LMX1B: variants seen among roughly 807,000 people sequenced by gnomAD.
LMX1B encodes the protein LIM homeobox transcription factor 1 beta, also known as LIM homeobox transcription factor 1-beta.
Under a neutral mutation model 51.4 loss-of-function variants are expected in LMX1B, and 12 were observed. The observed-to-expected ratio is 0.23, with a 90% confidence interval of 0.15 to 0.38. The LOEUF is 0.38. Ranked by LOEUF, LMX1B falls within the 10% of genes least tolerant of loss-of-function variation. The pLI is 1.00. For synonymous variants in LMX1B, 237 were observed against 235.4 expected, an observed-to-expected ratio of 1.01 and a Z score of -0.06; for missense variants, 445 against 571.1, an observed-to-expected ratio of 0.78 and a Z score of 2.25.
chr9:126,675,237 G>T (rs1434745058), intron 2 of LMX1B, among the ~76,000 whole-genome samples: 1 of 152,204 alleles, frequency 6.6e-6, no homozygotes. Context: ...TCGGCTTGGT[G>T]TATGTGGGCT....
chr9:126,649,599 G>A (rs1313161872), intron 2 of LMX1B, among the ~76,000 whole-genome samples: 1 of 152,180 alleles, frequency 6.6e-6, no homozygotes, highest in African/African-American at 2.4e-5. Flanking sequence ...CACTGATGGG[G>A]GAACCTCATC....
intron 2 of LMX1B, among the ~76,000 whole-genome samples, chr9:126,690,320 A>C (rs908188379): frequency 1.3e-5 from 2 of 151,942 alleles, no homozygotes. Flanking sequence ...CTGGGGTTTG[A>C]AGGATTGAAG....
intron 2 of LMX1B, among the ~76,000 whole-genome samples, chr9:126,634,821 G>A (rs185406959): frequency 1.8e-4 from 28 of 152,280 alleles, no homozygotes; most frequent in Admixed American, 1.6e-3. Flanking sequence ...TACCAGGCAG[G>A]TGACATTTGG....
At chr9:126,619,006 GC>G (rs987312746) in intron 2 of LMX1B, among the ~76,000 whole-genome samples, 5 of 152,068 alleles carry the variant, frequency 3.3e-5, no homozygotes, top group African/African-American at 9.7e-5. Flanking sequence ...TGCCCGGGCG[GC>G]CGAGCCTCTC....
chr9:126,683,550 G>A (rs1836716953), intron 2 of LMX1B, among the ~76,000 whole-genome samples: 1 of 152,074 alleles, frequency 6.6e-6, no homozygotes, highest in Non-Finnish European at 1.5e-5. Context: ...GGGTCCTGTC[G>A]CCTAGCTCCT....
rs1380649559 is a variant in LMX1B, at chr9:126,626,161, A to G, written c.326+10592A>G. ...TCCCGGCTCCCTGGCCTCCTATTAG[A>G]ACTCGTAGAGGATCCGCTCTGGAGT... On this transcript the variant is annotated intron_variant, in intron 2 of 7. Transcript: ENST00000373474. The surrounding 1 kb of genome is among the most constrained non-coding windows in gnomAD (Gnocchi z 4.3). Among the ~76,000 whole-genome samples the G allele has an allele frequency of 6.6e-6, 1 of 152,106 alleles. No homozygotes were observed. The highest frequency in any genetic ancestry group is 1.5e-5 in the Non-Finnish European group (1 of 68,020).
At chr9:126,644,895 G>A (rs760801231) in intron 2 of LMX1B, among the ~76,000 whole-genome samples, 33 of 152,176 alleles carry the variant, frequency 2.2e-4, no homozygotes, top group Non-Finnish European at 4.3e-4. Flanking sequence ...CAGCAATTCT[G>A]TTGAGTTCCT....
At chr9:126,642,789 G>T (rs2118884726) in intron 2 of LMX1B, among the ~76,000 whole-genome samples, 1 of 152,338 alleles carries the variant, frequency 6.6e-6, no homozygotes, top group East Asian at 1.9e-4. Flanking sequence ...CTACCTTTCT[G>T]CTCATTCAGA....
chr9:126,673,858 C>T lies in LMX1B; in HGVS notation c.327-16978C>T, dbSNP rs1326353447. Among the ~76,000 whole-genome samples the T allele has an allele frequency of 2.6e-5, 4 of 152,266 alleles. 1 individual carries two copies. The highest frequency in any genetic ancestry group is 2.1e-4 in the South Asian group (1 of 4,826). ...GCCTGCCAGTGTGTGTGTGAGTGTGCGCCTGTGGCAGCAGCAGAGTAAACA... is the reference window on the plus strand; with the variant it reads ...GCCTGCCAGTGTGTGTGTGAGTGTGTGCCTGTGGCAGCAGCAGAGTAAACA... On this transcript the variant is annotated intron_variant, in intron 2 of 7. Coordinates refer to ENST00000373474, the MANE Select transcript of LMX1B (RefSeq NM_001174147.2). This position sits in a 1 kb window ranked among gnomAD's most constrained non-coding sequence, Gnocchi z 4.4.
rs372216363 is a variant in LMX1B, at chr9:126,615,583, G to A, written c.326+14G>A. On this transcript the variant is annotated intron_variant, in intron 2 of 7. Transcript: ENST00000373474. This position sits in a 1 kb window ranked among gnomAD's most constrained non-coding sequence, Gnocchi z 6.0. ...AGACTACCAACAGTAAGCGCTTCTC[G>A]TCCTCCTTCCCCGCCACCGCCCGGC... 4 of 1,597,678 alleles carry A rather than the reference G, an allele frequency of 2.5e-6. No individual in the cohort carries two copies. The highest frequency in any genetic ancestry group is 3.4e-6 in the Non-Finnish European group (4 of 1,172,116).
Position 126,625,276 on chromosome 9 carries a change from G to T in LMX1B, c.326+9707G>T, listed in dbSNP as rs1458435427. 6.6e-6 allele frequency among the ~76,000 whole-genome samples: 1 copy of T among 152,254 alleles called. No homozygotes were observed. The highest frequency in any genetic ancestry group is 1.9e-4 in the East Asian group (1 of 5,190). On this transcript the variant is annotated intron_variant, in intron 2 of 7. Coordinates refer to ENST00000373474, the MANE Select transcript of LMX1B (RefSeq NM_001174147.2). This position sits in a 1 kb window ranked among gnomAD's most constrained non-coding sequence, Gnocchi z 5.3. ...CCGGAGCGTTGCCGTGGGGGCGGGG[G>T]AAGGGGTGGTTTTGCGGGTGCCTTA... is the stretch of plus-strand genomic sequence containing the variant.
chr9:126,689,869 G>C (rs964483046), intron 2 of LMX1B, among the ~76,000 whole-genome samples: 1 of 152,222 alleles, frequency 6.6e-6, no homozygotes, highest in Non-Finnish European at 1.5e-5. Context: ...CTAAAATGGG[G>C]TTAATGTTCA....
At chr9:126,659,470 A>G (rs752915433) in intron 2 of LMX1B, among the ~76,000 whole-genome samples, 2 of 152,228 alleles carry the variant, frequency 1.3e-5, no homozygotes, top group Non-Finnish European at 2.9e-5. Context: ...CAGGGCGGGC[A>G]TGGCCCATCC....
At position 126,695,783 on chromosome 9, in the gene LMX1B, G is replaced by A. The variant is rs1043635342; in HGVS notation, c.887-56G>A. 2.3e-5 allele frequency: 37 copies of A among 1,597,292 alleles called. No homozygotes were observed. Among genetic ancestry groups the A allele is most frequent in the Non-Finnish European group, 3.0e-5 (35 of 1,169,166 alleles). ...GAGATCAGAAGGGGAGGCTGCTGGG[G>A]TGTAGCTGGGAGGGCGTGGACCAGG... On this transcript the variant is annotated intron_variant, in intron 6 of 7. Coordinates refer to ENST00000373474, the MANE Select transcript of LMX1B (RefSeq NM_001174147.2). The surrounding 1 kb of genome is among the most constrained non-coding windows in gnomAD (Gnocchi z 5.2).
At chr9:126,694,656 G>C (rs933116805) in intron 6 of LMX1B, among the ~76,000 whole-genome samples, 2 of 152,168 alleles carry the variant, frequency 1.3e-5, no homozygotes, top group African/African-American at 2.4e-5. Context: ...CAGGTGCCAG[G>C]GCACCAATGG....
chr9:126,631,227 C>A (rs1041941784), intron 2 of LMX1B, among the ~76,000 whole-genome samples: 3 of 152,236 alleles, frequency 2.0e-5, no homozygotes, highest in Admixed American at 6.5e-5. Flanking sequence ...CACAGACATG[C>A]CCTTACGGCT....
At position 126,693,832 on chromosome 9, in the gene LMX1B, G is replaced by C; in HGVS notation, c.886+20G>C. ...GCCAGGGTGAGCCGGGGCCGGGGCAGGGCCTGGGCCAGGGTGAGCTGGGGC... is the reference window on the plus strand; with the variant it reads ...GCCAGGGTGAGCCGGGGCCGGGGCACGGCCTGGGCCAGGGTGAGCTGGGGC... On this transcript the variant is annotated intron_variant, in intron 6 of 7. Coordinates refer to ENST00000373474, the MANE Select transcript of LMX1B (RefSeq NM_001174147.2). 8.7e-7 allele frequency: 1 copy of C among 1,144,426 alleles called. No individual in the cohort carries two copies. The highest frequency in any genetic ancestry group is 1.3e-5 in the South Asian group (1 of 76,302). 70.9% of individuals were successfully genotyped at this position (1,144,426 alleles called of 1,614,324 possible).
At chr9:126,666,148 G>A (rs1836339478) in intron 2 of LMX1B, among the ~76,000 whole-genome samples, 1 of 152,252 alleles carries the variant, frequency 6.6e-6, no homozygotes, top group Admixed American at 6.5e-5. Flanking sequence ...TTGCTGAGAG[G>A]CACAGACGGG....
In LMX1B at chr9:126,637,655, G is replaced by A. The variant is rs894115992; in HGVS notation, c.326+22086G>A. Among the ~76,000 whole-genome samples, 97 of 152,082 alleles carry A rather than the reference G, an allele frequency of 6.4e-4. 1 individual carries two copies. The highest frequency in any genetic ancestry group is 1.3e-3 in the Non-Finnish European group (88 of 67,996). On this transcript the variant is annotated intron_variant, in intron 2 of 7. Coordinates refer to ENST00000373474, the MANE Select transcript of LMX1B (RefSeq NM_001174147.2). ...GGTGTGATGTATGGATGTGGGCTGGGTGTGACAGGCAGAGCAGCAGATGGC... is the reference window on the plus strand; with the variant it reads ...GGTGTGATGTATGGATGTGGGCTGGATGTGACAGGCAGAGCAGCAGATGGC...
Sources: allele counts gnomAD v4.1 joint callset (sites outside exome capture counted in the v4.1 genomes callset), GRCh38; gene constraint gnomAD v4.1.1; non-coding constraint Gnocchi (gnomAD v3.1); transcripts MANE v1.5; gene names NCBI Gene and HGNC (gene_info 2026-07-23, HGNC 2026-07-21).